TRPC1: variants seen among roughly 807,000 people sequenced by gnomAD.
The protein encoded by TRPC1 is short transient receptor potential channel 1.
A neutral mutation model predicts 88.2 loss-of-function variants in TRPC1; 42 were observed. That is an observed-to-expected ratio of 0.48 (90% CI 0.37 to 0.62). TRPC1 has a LOEUF of 0.62. Among genes scored for constraint, TRPC1 ranks in the 20% least tolerant of loss-of-function variants. TRPC1 has a pLI of 0.00. For synonymous variants in TRPC1, 288 were observed against 331.8 expected (o/e 0.87, Z 1.43); for missense variants, 699 against 957.3 (o/e 0.73, Z 3.56).
intron 1 of TRPC1, among the ~76,000 whole-genome samples, chr3:142,725,291 G>A (rs1403725): frequency 0.086 from 13,062 of 152,236 alleles, 917 homozygotes; most frequent in East Asian, 0.23. Context: ...TATCCTAGGT[G>A]GAGATACATG....
chr3:142,745,904 C>T (rs1254809961), intron 3 of TRPC1, among the ~76,000 whole-genome samples: 8 of 151,990 alleles, frequency 5.3e-5, no homozygotes, highest in Non-Finnish European at 8.8e-5. Flanking sequence ...ATTACAGGCA[C>T]GTCCCACCAT....
rs541099810 is a variant in TRPC1 at position 142,745,547 on chromosome 3, G to T, written c.429+1961G>T. ...TCATCCCAGTTACTTGGGAGGCTGAGGCAGGAGAATTGCTTGAGCCTTGGA... is the reference window on the plus strand; with the variant it reads ...TCATCCCAGTTACTTGGGAGGCTGATGCAGGAGAATTGCTTGAGCCTTGGA... On this transcript the variant is annotated intron_variant, in intron 3 of 12. Coordinates refer to ENST00000476941, the MANE Select transcript of TRPC1 (RefSeq NM_001251845.2). Among the ~76,000 whole-genome samples, 244 of 152,238 alleles carry T rather than the reference G, an allele frequency of 1.6e-3. 1 individual carries two copies. Among genetic ancestry groups the T allele is most frequent in the African/African-American group, 5.6e-3 (233 of 41,552 alleles).
chr3:142,739,523 A>T (rs891169216), intron 2 of TRPC1, among the ~76,000 whole-genome samples: 2 of 152,220 alleles, frequency 1.3e-5, no homozygotes, highest in Non-Finnish European at 2.9e-5. Flanking sequence ...GAATTGATTT[A>T]GCATTTTTGA....
chr3:142,748,825 TCTAA>T (rs1342268081), intron 4 of TRPC1, among the ~76,000 whole-genome samples: 3 of 152,220 alleles, frequency 2.0e-5, no homozygotes, highest in African/African-American at 4.8e-5. Flanking sequence ...CTATTTTCTG[TCTAA>T]CTAAGTATTG....
chr3:142,759,548 G>A (rs978423729), intron 4 of TRPC1, among the ~76,000 whole-genome samples: 1 of 152,118 alleles, frequency 6.6e-6, no homozygotes, highest in African/African-American at 2.4e-5. Flanking sequence ...ATTTGTTTAA[G>A]TTCTTTGTAG....
intron 2 of TRPC1, among the ~76,000 whole-genome samples, chr3:142,739,777 A>T (rs1174628054): frequency 6.6e-6 from 1 of 152,196 alleles, no homozygotes; most frequent in African/African-American, 2.4e-5. Context: ...CTATGTCAAT[A>T]GTTTTTGTAG....
At chr3:142,781,086 CAG>C in intron 6 of TRPC1, 57 bp downstream of exon 6, 5 of 1,433,178 alleles carry the variant, frequency 3.5e-6, no homozygotes, top group Non-Finnish European at 4.6e-6. Context: ...TCTAGTGGCT[CAG>C]GGCAAAGGCT....
chr3:142,747,108 C>T lies in TRPC1; in HGVS notation c.430-1150C>T, dbSNP rs114794035. 7.0e-3 allele frequency among the ~76,000 whole-genome samples: 1,068 copies of T among 152,016 alleles called. 15 individuals are homozygous for T. The highest frequency in any genetic ancestry group is 0.025 in the African/African-American group (1,018 of 41,484). ...TGCTTTATGGATTATTAAAAGGGTC[C>T]CTGATCTTGGAGATATTAATGACCA... is the stretch of plus-strand genomic sequence containing the variant. On this transcript the variant is annotated intron_variant, in intron 3 of 12. Coordinates refer to ENST00000476941, the MANE Select transcript of TRPC1 (RefSeq NM_001251845.2).
chr3:142,783,744 T>C (rs988495119), intron 6 of TRPC1, among the ~76,000 whole-genome samples: 7 of 152,224 alleles, frequency 4.6e-5, no homozygotes, highest in African/African-American at 1.7e-4. Context: ...ACAAATTATA[T>C]TCTGTTTTGG....
At chr3:142,738,026 C>T (rs1476672440) in intron 2 of TRPC1, among the ~76,000 whole-genome samples, 2 of 152,070 alleles carry the variant, frequency 1.3e-5, no homozygotes, top group African/African-American at 2.4e-5. Context: ...ATAATTTTGT[C>T]TTTTTACACA....
Position 142,748,470 on chromosome 3 carries a change from T to C in TRPC1, c.632+10T>C. ...GCCTCCGGCATTCCAGGTTAGAACA[T>C]TAAACTTTTGATAAATAGATGTGTG... is the stretch of plus-strand genomic sequence containing the variant. On this transcript the variant is annotated intron_variant, in intron 4 of 12. Coordinates refer to ENST00000476941, the MANE Select transcript of TRPC1 (RefSeq NM_001251845.2). 2 of 1,613,126 alleles carry C rather than the reference T, an allele frequency of 1.2e-6. No homozygotes were observed. The highest frequency in any genetic ancestry group is 2.2e-5 in the South Asian group (2 of 91,014).
Position 142,724,773 on chromosome 3 carries a change from C to G in TRPC1, c.172+42C>G. The G allele has an allele frequency of 6.7e-7, 1 of 1,502,744 alleles. No homozygotes were observed. Among genetic ancestry groups the G allele is most frequent in the African/African-American group, 1.4e-5 (1 of 69,968 alleles). The allele number at this position is 1,502,744 out of a possible 1,614,324, so 93.1% of individuals were successfully genotyped here. ...TTTCTCCTCTGGACGCCCCTGTCCT[C>G]CAGACCTTTAGTCCTCTCCCCCGCC... On this transcript the variant is annotated intron_variant, in intron 1 of 12. Transcript: ENST00000476941. This position sits in a 1 kb window ranked among gnomAD's most constrained non-coding sequence, Gnocchi z 5.6.
chr3:142,795,095 A>C (rs1395563354), intron 9 of TRPC1, among the ~76,000 whole-genome samples: 1 of 152,134 alleles, frequency 6.6e-6, no homozygotes, highest in Non-Finnish European at 1.5e-5. Flanking sequence ...GATGTGATTA[A>C]TGACAGGTTA....
Position 142,784,961 on chromosome 3 carries a change from T to A in TRPC1, c.1218T>A (p.Leu406=). The change falls in exon 7 of 13, where the codon CTT becomes CTA. Residue 406 remains leucine (L), a synonymous_variant. Transcript: ENST00000476941. ...TFLLLLNLYS[L]VYNEDKKNTM... is the part of the protein sequence containing the mutation. ...TGCTGTTGCTTAATCTATACTCTCTTGTCTACAATGAGGATAAGAAAAACA... is the reference window on the plus strand; with the variant it reads ...TGCTGTTGCTTAATCTATACTCTCTAGTCTACAATGAGGATAAGAAAAACA... 3 of 1,613,942 alleles carry A rather than the reference T, an allele frequency of 1.9e-6. No individual in the cohort carries two copies. The highest frequency in any genetic ancestry group is 2.5e-6 in the Non-Finnish European group (3 of 1,179,970).
At chr3:142,782,891 G>A (rs557383045) in intron 6 of TRPC1, among the ~76,000 whole-genome samples, 1 of 152,302 alleles carries the variant, frequency 6.6e-6, no homozygotes, top group South Asian at 2.1e-4. Context: ...GCTTCAGAGT[G>A]GCTTTTTACA....
intron 9 of TRPC1, among the ~76,000 whole-genome samples, chr3:142,796,590 T>C (rs966088792): frequency 6.6e-6 from 1 of 151,616 alleles, no homozygotes; most frequent in African/African-American, 2.4e-5. Context: ...CAGTTCCTCC[T>C]GCTCCAAGAC....
rs1267107455 is a variant in TRPC1, at chr3:142,748,419, G to A, written c.591G>A (p.Leu197=). 6.2e-7 allele frequency: 1 copy of A among 1,614,082 alleles called. No homozygotes were observed. The highest frequency in any genetic ancestry group is 8.5e-7 in the Non-Finnish European group (1 of 1,179,974). The change falls in exon 4 of 13, where the codon TTG becomes TTA. Residue 197 remains leucine, a synonymous_variant. Transcript: ENST00000476941. ...ATGCAGTTGGCTGTGAATGCACATT[G>A]TGTTCTGCAAAAAACAAAAAGGATA... ...KPHAVGCECT[L]CSAKNKKDSL...
chr3:142,727,701 A>G lies in TRPC1; in HGVS notation c.172+2970A>G, dbSNP rs566143836. On this transcript the variant is annotated intron_variant, in intron 1 of 12. Transcript: ENST00000476941. ...TAGGACCCCCAGATAAAATTCTCAG[A>G]AAGTATACTCATGTTCTTTCTAGAG... 3.3e-5 allele frequency among the ~76,000 whole-genome samples: 5 copies of G among 152,154 alleles called. No individual in the cohort carries two copies. The South Asian group carries it at 1.0e-3, about 32-fold the overall frequency.
rs1386776139 is a variant in TRPC1, at chr3:142,752,188, TGCACCG to T, written c.632+3737_632+3742del. Among the ~76,000 whole-genome samples the T allele has an allele frequency of 2.0e-5, 3 of 152,290 alleles. No individual in the cohort carries two copies. In the East Asian group the frequency reaches 5.8e-4, roughly 30 times the overall value. ...ACTGGCACTCAGCACACCAAGGACC[TGCACCG>T]GCACCGGCCTCTGAGTTCCCTCAGT... On this transcript the variant is annotated intron_variant, in intron 4 of 12. Transcript: ENST00000476941.
Sources: gnomAD v4.1 joint callset for allele counts (sites outside exome capture counted in the v4.1 genomes callset) on GRCh38, gnomAD v4.1.1 for gene constraint, Gnocchi (gnomAD v3.1) non-coding constraint, MANE v1.5 for transcripts, NCBI Gene and HGNC (gene_info 2026-07-23, HGNC 2026-07-21) for gene names.